Variants in VPS13A observed in about 807,000 individuals in gnomAD.
VPS13A encodes intermembrane lipid transfer protein VPS13A.
In VPS13A, 264 loss-of-function variants were observed where a neutral mutation model predicts 390.9. The ratio of observed to expected loss-of-function variants is 0.68; its 90% CI spans 0.61 to 0.75. The LOEUF (loss-of-function observed/expected upper bound fraction) is 0.75. Ranked by LOEUF, VPS13A falls within the 30% of genes least tolerant of loss-of-function variation. The probability of loss-of-function intolerance (pLI) is 0.00; values close to 1 mark genes in which losing one functional copy is unlikely to be tolerated. For synonymous variants in VPS13A, 1,231 were observed against 1,227.1 expected, an observed-to-expected ratio of 1.00 and a Z score of -0.07; for missense variants, 3,409 against 3,733.9, an observed-to-expected ratio of 0.91 and a Z score of 2.27.
chr9:77,332,103 G>C lies in VPS13A; in HGVS notation c.6085G>C (p.Gly2029Arg), dbSNP rs1187646540. ...SPENEFNIPL[G>R]SYRSFIFLKP... ...TGAAAATGAATTCAACATACCATTA[G>C]GATCTTACCGGTATTTTGTCTTTAT... The change falls in exon 46 of 72, where the codon GGA (glycine) becomes CGA (arginine). Residue 2029 changes from glycine (G) to arginine (R), a missense_variant. Gly to Arg is a moderately radical substitution (Grantham distance 125). Around this residue, in one of 5 missense-constraint regions of VPS13A, gnomAD observed 2,717 missense variants for 2,917.4 expected, o/e 0.93. Transcript: ENST00000360280. 6.2e-7 allele frequency: 1 copy of C among 1,607,928 alleles called. No homozygotes were observed. Among genetic ancestry groups the C allele is most frequent in the East Asian group, 2.2e-5 (1 of 44,648 alleles).
intron 23 of VPS13A, among the ~76,000 whole-genome samples, chr9:77,266,126 T>G (rs1587454031): frequency 6.6e-6 from 1 of 152,346 alleles, no homozygotes; most frequent in East Asian, 1.9e-4. Flanking sequence ...TAATCCTGAG[T>G]TCTAACTGGA....
intron 68 of VPS13A, among the ~76,000 whole-genome samples, chr9:77,392,487 A>G (rs1243363119): frequency 6.6e-6 from 1 of 152,060 alleles, no homozygotes; most frequent in Non-Finnish European, 1.5e-5. Flanking sequence ...CCAGGTTGTA[A>G]AAGAGAGATA....
chr9:77,273,525 A>G (rs1004465223), intron 24 of VPS13A, among the ~76,000 whole-genome samples, 161 bp downstream of exon 24: 2 of 152,216 alleles, frequency 1.3e-5, no homozygotes, highest in African/African-American at 2.4e-5. Context: ...ACAGATTAAC[A>G]TGAGAAAACA....
chr9:77,375,199 G>A lies in VPS13A; in HGVS notation c.9077+4050G>A, dbSNP rs548851639. 4.6e-5 allele frequency among the ~76,000 whole-genome samples: 7 copies of A among 152,144 alleles called. No individual in the cohort carries two copies. In the South Asian group the frequency reaches 1.5e-3, roughly 32 times the overall value. On this transcript the variant is annotated intron_variant, in intron 67 of 71. Transcript: ENST00000360280. The stretch of plus-strand genomic sequence containing the variant: ...TAAAACCTTATAATTCTGTACCCAG[G>A]TATATTACCTTTAGGGATTGAGGGC...
intron 47 of VPS13A, 47 bp from the exon 48 acceptor site, chr9:77,339,469 T>G (rs1342371182): frequency 2.1e-5 from 32 of 1,500,276 alleles, no homozygotes; most frequent in Non-Finnish European, 2.9e-5. Flanking sequence ...GGCATATTAT[T>G]CTGCAACATT....
At chr9:77,318,729 TTTAGAAAAAAG>T in intron 41 of VPS13A, 138 bp downstream of exon 41, 1 of 934,260 alleles carries the variant, frequency 1.1e-6, no homozygotes, top group Non-Finnish European at 1.6e-6. Flanking sequence ...GTCAAAAACT[TTTAGAAAAAAG>T]TTTTCAAATT....
At chr9:77,348,885 A>C in intron 52 of VPS13A, among the ~76,000 whole-genome samples, 1 of 152,236 alleles carries the variant, frequency 6.6e-6, no homozygotes, top group East Asian at 1.9e-4. Flanking sequence ...GCAATGAATT[A>C]AACAGATTAA....
intron 56 of VPS13A, 82 bp from the exon 57 acceptor site, chr9:77,358,275 C>A (rs1831934231): frequency 1.6e-6 from 2 of 1,274,174 alleles, no homozygotes; most frequent in Non-Finnish European, 2.3e-6. Flanking sequence ...CTTTTTGATT[C>A]TTTTTGTTCC....
intron 45 of VPS13A, among the ~76,000 whole-genome samples, chr9:77,329,966 T>C (rs1279934168): frequency 3.3e-5 from 5 of 152,198 alleles, no homozygotes; most frequent in African/African-American, 1.2e-4. Flanking sequence ...ACTTTAGGAA[T>C]TGTTCCAGCA....
rs776549674 is a variant in VPS13A at position 77,228,167 on chromosome 9, G to T, written c.1498G>T (p.Val500Phe). The T allele has an allele frequency of 1.9e-6, 3 of 1,604,186 alleles. No homozygotes were observed. Among genetic ancestry groups the T allele is most frequent in the Admixed American group, 3.4e-5 (2 of 59,506 alleles). Residue 500 changes from valine (V) to phenylalanine (F), a missense_variant, in exon 17 of 72, where the codon GTT becomes TTT. This residue lies in a region of VPS13A where 2,717 missense variants were observed against 2,917.4 expected (regional missense o/e 0.93). Coordinates refer to ENST00000360280, the MANE Select transcript of VPS13A (RefSeq NM_033305.3). ...FFVHLKSMSIVLRENHQKPEL... is the reference protein window; with the variant it reads ...FFVHLKSMSIFLRENHQKPEL... ...TGTCCACTTGAAAAGTATGTCTATT[G>T]TTCTAAGAGAAAATCATCAAAAACC...
rs572249851 is a variant in VPS13A at position 77,377,187 on chromosome 9, A to C, written c.9078-4789A>C. ...TACTTCTTTTTAAAAACTTATTCCT[A>C]AGTATTTTTGATGCTGTTTTTTTTT... On this transcript the variant is annotated intron_variant, in intron 67 of 71. Coordinates refer to ENST00000360280, the MANE Select transcript of VPS13A (RefSeq NM_033305.3). Among the ~76,000 whole-genome samples the C allele has an allele frequency of 2.0e-3, 295 of 146,430 alleles. 1 individual carries two copies. The highest frequency in any genetic ancestry group is 2.2e-3 in the Non-Finnish European group (148 of 66,840).
chr9:77,246,259 T>C (rs956500319), intron 19 of VPS13A, among the ~76,000 whole-genome samples: 1 of 152,224 alleles, frequency 6.6e-6, no homozygotes, highest in African/African-American at 2.4e-5. Context: ...ATTTTCTTTC[T>C]GTTGGCTTGT....
In VPS13A at chr9:77,370,267, AG is replaced by A; in HGVS notation, c.8681del (p.Gly2894ValfsTer11). On this transcript the variant is annotated frameshift_variant, in exon 64 of 72. Transcript: ENST00000360280. LOFTEE classifies it high-confidence loss of function. Reference protein sequence around the residue: ...FFYEPYQGAIQGPEEFVEGMA... With the variant: ...FFYEPYQGAIXGPEEFVEGMA... ...TATTTGGCCCTTTAGGGAGCCATCCAGGGTCCTGAAGAGTTTGTGGAAGGAA... is the reference window on the plus strand; with the variant it reads ...TATTTGGCCCTTTAGGGAGCCATCCAGGTCCTGAAGAGTTTGTGGAAGGAA... 2 of 1,614,170 alleles carry A rather than the reference AG, an allele frequency of 1.2e-6. No homozygotes were observed. The highest frequency in any genetic ancestry group is 1.7e-5 in the Admixed American group (1 of 60,026).
In VPS13A at chr9:77,209,991, A is replaced by G. The variant is rs552249638; in HGVS notation, c.495+459A>G. 2.0e-5 allele frequency among the ~76,000 whole-genome samples: 3 copies of G among 152,268 alleles called. No homozygotes were observed. The South Asian group carries it at 6.2e-4, about 32-fold the overall frequency. ...TTTTTTTGTAAACTGGAAAACATGC[A>G]GTATAATATTCCTGTGTAACACGAA... On this transcript the variant is annotated intron_variant, in intron 6 of 71. Coordinates refer to ENST00000360280, the MANE Select transcript of VPS13A (RefSeq NM_033305.3).
intron 56 of VPS13A, 63 bp downstream of exon 56, chr9:77,357,901 C>A: frequency 2.9e-6 from 4 of 1,369,480 alleles, no homozygotes; most frequent in Non-Finnish European, 4.1e-6. Context: ...GAAACCAGAT[C>A]TATTCCCATG....
chr9:77,353,369 ATTTTTTGGTTTTTTTTT>A, intron 53 of VPS13A, 23 bp from the exon 54 acceptor site: 1 of 1,427,016 alleles, frequency 7.0e-7, no homozygotes, highest in Non-Finnish European at 9.7e-7. Context: ...CCAAATTCTA[ATTTTTTGGTTTTTTTTT>A]TTTTTTGGTG....
chr9:77,344,893 C>T (rs1831063064), intron 51 of VPS13A, 116 bp from the exon 52 acceptor site: 2 of 1,164,322 alleles, frequency 1.7e-6, no homozygotes, highest in African/African-American at 3.1e-5. Context: ...GAATTGTTTT[C>T]TCAGTCATCC....
In VPS13A at chr9:77,228,228, C is replaced by A; in HGVS notation, c.1559C>A (p.Thr520Asn). ...LVDIVIEEFSTLIVQRPGAQA... is the reference protein window; with the variant it reads ...LVDIVIEEFSNLIVQRPGAQA... ...GATATTGTAATAGAAGAATTTAGCA[C>A]CTTAATTGTGCAAAGACCAGGAGCA... The change falls in exon 17 of 72, where the codon ACC becomes AAC. Residue 520 changes from threonine (T) to asparagine (N), a missense_variant. Coordinates refer to ENST00000360280, the MANE Select transcript of VPS13A (RefSeq NM_033305.3). 2 of 1,602,042 alleles carry A rather than the reference C, an allele frequency of 1.2e-6. No individual in the cohort carries two copies. The highest frequency in any genetic ancestry group is 1.1e-5 in the South Asian group (1 of 89,276).
chr9:77,344,396 C>A, intron 51 of VPS13A, 115 bp downstream of exon 51: 2 of 1,114,496 alleles, frequency 1.8e-6, no homozygotes, highest in South Asian at 1.4e-5. Context: ...CCCCTTTCCC[C>A]AAAAACGAAC....
Sources: allele counts gnomAD v4.1 joint callset (sites outside exome capture counted in the v4.1 genomes callset), GRCh38; gene constraint gnomAD v4.1.1; regional missense constraint gnomAD v4.1.1; transcripts MANE v1.5; gene names NCBI Gene and HGNC (gene_info 2026-07-23, HGNC 2026-07-21).